DGKB: variants seen among roughly 807,000 people sequenced by gnomAD.
DGKB encodes the protein 90 kDa diacylglycerol kinase.
DGKB carries 67 observed loss-of-function variants against 114.3 expected under a neutral mutation model. The ratio of observed to expected loss-of-function variants is 0.59; its 90% CI spans 0.48 to 0.72. DGKB has a LOEUF of 0.72. Among genes scored for constraint, DGKB ranks in the 30% least tolerant of loss-of-function variants. DGKB has a pLI of 0.00. For synonymous variants in DGKB, 398 were observed against 323.1 expected (o/e 1.23, Z -2.49); for missense variants, 907 against 975.2 (o/e 0.93, Z 0.93).
chr7:14,497,256 T>C (rs952502867), intron 20 of DGKB, among the ~76,000 whole-genome samples: 1 of 151,784 alleles, frequency 6.6e-6, no homozygotes, highest in Non-Finnish European at 1.5e-5. Context: ...ATTAGGGTGA[T>C]GGGTGCACTA....
At chr7:14,460,885 G>A (rs138236189) in intron 21 of DGKB, among the ~76,000 whole-genome samples, 2,464 of 151,870 alleles carry the variant, frequency 0.016, 35 homozygotes, top group Non-Finnish European at 0.021. Flanking sequence ...GCAAAAGAAC[G>A]GAAATCATAA....
At chr7:14,930,072 T>C (rs1019406634) in intron 1 of DGKB, among the ~76,000 whole-genome samples, 6 of 152,152 alleles carry the variant, frequency 3.9e-5, no homozygotes, top group Non-Finnish European at 8.8e-5. Context: ...TTCTGTCCCA[T>C]TGATCTGTGT....
chr7:14,614,663 T>C (rs1488427183), intron 15 of DGKB, among the ~76,000 whole-genome samples: 2 of 152,054 alleles, frequency 1.3e-5, no homozygotes, highest in Non-Finnish European at 2.9e-5. Context: ...GGCATTTTTC[T>C]AATGAGAATA....
chr7:14,638,137 C>G (rs1585250793), intron 13 of DGKB, among the ~76,000 whole-genome samples: 2 of 152,100 alleles, frequency 1.3e-5, no homozygotes, highest in Non-Finnish European at 2.9e-5. Context: ...TTTATATTCT[C>G]TACCTGCTGT....
intron 21 of DGKB, among the ~76,000 whole-genome samples, chr7:14,436,933 G>C (rs148120795): frequency 6.6e-6 from 1 of 152,132 alleles, no homozygotes; most frequent in East Asian, 1.9e-4. Flanking sequence ...CTATATTATA[G>C]TTAAAATGCT....
At chr7:14,337,264 T>C (rs993161082) in intron 23 of DGKB, among the ~76,000 whole-genome samples, 1 of 152,098 alleles carries the variant, frequency 6.6e-6, no homozygotes, top group Non-Finnish European at 1.5e-5. Flanking sequence ...AGCACGAACC[T>C]CATTTTTTCT....
At chr7:14,271,824 C>T (rs1032153578) in intron 23 of DGKB, among the ~76,000 whole-genome samples, 2 of 151,984 alleles carry the variant, frequency 1.3e-5, no homozygotes, top group South Asian at 2.1e-4. Flanking sequence ...GCCAAGGGGG[C>T]GAGGGTACAG....
chr7:14,174,884 AC>A (rs1195698346), intron 25 of DGKB, among the ~76,000 whole-genome samples: 1 of 152,242 alleles, frequency 6.6e-6, no homozygotes, highest in Non-Finnish European at 1.5e-5. Context: ...GTGAAGGATC[AC>A]AGAAAAGATG....
intron 1 of DGKB, among the ~76,000 whole-genome samples, chr7:14,861,464 G>A (rs1850963616): frequency 6.6e-6 from 1 of 151,714 alleles, no homozygotes; most frequent in East Asian, 1.9e-4. Context: ...TTTCACTTGT[G>A]AAATACATTG....
chr7:14,514,923 A>G (rs1037734050), intron 20 of DGKB, among the ~76,000 whole-genome samples: 6 of 152,218 alleles, frequency 3.9e-5, no homozygotes, highest in Admixed American at 6.5e-5. Flanking sequence ...GGTAGTCCGC[A>G]GTCCTAGTTA....
At chr7:14,933,517 C>T (rs1291602870) in intron 1 of DGKB, among the ~76,000 whole-genome samples, 1 of 152,148 alleles carries the variant, frequency 6.6e-6, no homozygotes, top group Non-Finnish European at 1.5e-5. Context: ...TCTCTTCTGC[C>T]TCTTTCTTCA....
chr7:14,388,440 T>C lies in DGKB; in HGVS notation c.1836-43049A>G, dbSNP rs1380291884. On this transcript the variant is annotated intron_variant, in intron 21 of 25. Transcript: ENST00000402815. ...TGTTTGTATATGTGTATATATATTATATATAAAATATATATATCTAAGTAA... is the reference window on the plus strand; with the variant it reads ...TGTTTGTATATGTGTATATATATTACATATAAAATATATATATCTAAGTAA... Among the ~76,000 whole-genome samples, 5 of 148,214 alleles carry C rather than the reference T, an allele frequency of 3.4e-5. No homozygotes were observed. The South Asian group carries it at 6.3e-4, about 19-fold the overall frequency.
chr7:14,822,013 G>A (rs187748982), intron 2 of DGKB, among the ~76,000 whole-genome samples: 22 of 152,288 alleles, frequency 1.4e-4, no homozygotes, highest in African/African-American at 4.8e-4. Flanking sequence ...TTCCCCCAAA[G>A]TTATGGAATG....
chr7:14,693,540 GTTTA>G lies in DGKB; in HGVS notation c.711+531_711+534del, dbSNP rs558756732. Among the ~76,000 whole-genome samples, 590 of 150,994 alleles carry G rather than the reference GTTTA, an allele frequency of 3.9e-3. 3 individuals carry two copies. The highest frequency in any genetic ancestry group is 0.013 in the African/African-American group (526 of 41,276). ...TCCTGCTGATACAGGAAAAACTTAC[GTTTA>G]TTTAAGTTGGTGCAAAAGTCATTGC... On this transcript the variant is annotated intron_variant, in intron 9 of 25. Coordinates refer to ENST00000402815, the MANE Select transcript of DGKB (RefSeq NM_001350709.2).
intron 20 of DGKB, among the ~76,000 whole-genome samples, chr7:14,533,330 T>A (rs1045991411): frequency 6.6e-6 from 1 of 151,692 alleles, no homozygotes; most frequent in African/African-American, 2.4e-5. Flanking sequence ...AAACAGGTCA[T>A]TTGAAATTCT....
intron 9 of DGKB, among the ~76,000 whole-genome samples, chr7:14,685,962 C>T (rs997647229): frequency 6.6e-6 from 1 of 151,936 alleles, no homozygotes; most frequent in Non-Finnish European, 1.5e-5. Flanking sequence ...ATTGAGTATG[C>T]CACAAATAGT....
At chr7:14,490,962 T>G (rs574888704) in intron 20 of DGKB, among the ~76,000 whole-genome samples, 1 of 152,008 alleles carries the variant, frequency 6.6e-6, no homozygotes, top group South Asian at 2.1e-4. Flanking sequence ...TTTTTTTTTT[T>G]AATGCAGAAA....
At chr7:14,966,571 T>A (rs1483179228) in intron 1 of DGKB, among the ~76,000 whole-genome samples, 1 of 152,122 alleles carries the variant, frequency 6.6e-6, no homozygotes, top group African/African-American at 2.4e-5. Flanking sequence ...CCTAACGTGC[T>A]GAGATTACAG....
chr7:14,288,741 T>C (rs1203439474), intron 23 of DGKB, among the ~76,000 whole-genome samples: 1 of 152,178 alleles, frequency 6.6e-6, no homozygotes. Flanking sequence ...AATGTTTTCA[T>C]TGTTTACATG....
Sources: gnomAD v4.1 joint callset for allele counts (sites outside exome capture counted in the v4.1 genomes callset) on GRCh38, gnomAD v4.1.1 for gene constraint, MANE v1.5 for transcripts, NCBI Gene and HGNC (gene_info 2026-07-23, HGNC 2026-07-21) for gene names.